The following CPS1 variants were observed in gnomAD, a reference collection of about 807,000 sequenced individuals.
CPS1 encodes the protein carbamoyl-phosphate synthase [ammonia], mitochondrial.
A neutral mutation model predicts 174.6 loss-of-function variants in CPS1; 109 were observed. The ratio of observed to expected loss-of-function variants is 0.62; its 90% CI spans 0.53 to 0.73. CPS1 has a LOEUF of 0.73. CPS1 is among the 30% of genes least tolerant of loss of function. CPS1 has a pLI of 0.00. For missense variants in CPS1, 1,689 were observed against 1,821.9 expected (o/e 0.93, Z 1.33); for synonymous variants, 637 against 632.0 (o/e 1.01, Z -0.12).
At chr2:210,479,733 T>C (rs982674687) in intron 1 of CPS1, among the ~76,000 whole-genome samples, 1 of 152,236 alleles carries the variant, frequency 6.6e-6, no homozygotes, top group Non-Finnish European at 1.5e-5. Context: ...CTGAACACAT[T>C]TGTGGCTAAC....
chr2:210,517,446 G>A (rs1695712101), intron 1 of CPS1, among the ~76,000 whole-genome samples: 1 of 151,892 alleles, frequency 6.6e-6, no homozygotes, highest in Admixed American at 6.6e-5. Flanking sequence ...ATTTGGTCTG[G>A]GTCAGATGCA....
intron 21 of CPS1, among the ~76,000 whole-genome samples, chr2:210,634,612 C>T (rs1444690346): frequency 1.3e-5 from 2 of 152,092 alleles, no homozygotes; most frequent in Non-Finnish European, 2.9e-5. Flanking sequence ...TGCCCTGAGC[C>T]ACGGCTTCAA....
Position 210,642,656 on chromosome 2 carries a change from C to T in CPS1, c.3132C>T (p.Tyr1044=). 6.2e-7 allele frequency: 1 copy of T among 1,613,410 alleles called. No individual in the cohort carries two copies. The highest frequency in any genetic ancestry group is 8.5e-7 in the Non-Finnish European group (1 of 1,179,804). ...CCTTGGAGAGAATCCTAGACATCTA[C>T]CATCAGGAGGTAAGAAAAGAAAAAC... ...ELSLERILDI[Y]HQEACGGCII... is the part of the protein sequence containing the mutation. Residue 1044 remains tyrosine, a synonymous_variant, in exon 25 of 38, where the codon TAC becomes TAT. Coordinates refer to ENST00000233072, the MANE Select transcript of CPS1 (RefSeq NM_001875.5).
rs112442003 is a variant in CPS1, at chr2:210,543,277, A to G, written c.4-13442A>G. ...TCACTTTCCATGTTAAAATCCTTCA[A>G]TGACTTCCTATTGCACTATAAATGG... On this transcript the variant is annotated intron_variant, in intron 1 of 38. Transcript: ENST00000430249. Among the ~76,000 whole-genome samples, 387 of 152,216 alleles carry G rather than the reference A, an allele frequency of 2.5e-3. 1 individual carries two copies. Among genetic ancestry groups the G allele is most frequent in the African/African-American group, 8.4e-3 (351 of 41,552 alleles).
At chr2:210,583,122 C>T (rs184022110) in intron 6 of CPS1, among the ~76,000 whole-genome samples, 1 of 152,164 alleles carries the variant, frequency 6.6e-6, no homozygotes, top group East Asian at 1.9e-4. Flanking sequence ...AATCTGGGGG[C>T]ATTTTGTGCA....
upstream of CPS1, among the ~76,000 whole-genome samples, chr2:210,554,126 T>TATAC (rs1205990741): frequency 7.2e-6 from 1 of 139,428 alleles, no homozygotes; most frequent in African/African-American, 2.5e-5. Flanking sequence ...TGTATGTATA[T>TATAC]ATACATACAT....
chr2:210,666,449 T>G (rs566292004), intron 33 of CPS1, among the ~76,000 whole-genome samples: 22 of 152,102 alleles, frequency 1.4e-4, no homozygotes, highest in Admixed American at 1.4e-3. Flanking sequence ...CTAGGGTTTT[T>G]ATGGTTTTAG....
intron 1 of CPS1, among the ~76,000 whole-genome samples, chr2:210,562,121 C>G (rs1341701895): frequency 6.6e-6 from 1 of 152,132 alleles, no homozygotes; most frequent in Non-Finnish European, 1.5e-5. Flanking sequence ...TATGAACATA[C>G]TTTGTAATGA....
In CPS1 at chr2:210,574,574, C is replaced by T. The variant is rs79910325; in HGVS notation, c.236+1167C>T. On this transcript the variant is annotated intron_variant, in intron 2 of 37. Transcript: ENST00000233072. ...TCACCAGGCAATTATTTAAACTTTTCGACAGCACTAATTACTAGCTGTGTT... is the reference window on the plus strand; with the variant it reads ...TCACCAGGCAATTATTTAAACTTTTTGACAGCACTAATTACTAGCTGTGTT... 5.9e-5 allele frequency among the ~76,000 whole-genome samples: 9 copies of T among 152,128 alleles called. No homozygotes were observed. The East Asian group carries it at 1.4e-3, about 23-fold the overall frequency.
At chr2:210,512,584 G>A (rs1203061358) in intron 1 of CPS1, among the ~76,000 whole-genome samples, 1 of 150,784 alleles carries the variant, frequency 6.6e-6, no homozygotes, top group Admixed American at 6.7e-5. Flanking sequence ...TATGCAGCAT[G>A]TTTTCTTTGT....
intron 15 of CPS1, 74 bp downstream of exon 15, chr2:210,600,786 T>A (rs745848588): frequency 2.8e-6 from 4 of 1,453,516 alleles, no homozygotes; most frequent in East Asian, 2.3e-5. Flanking sequence ...TTTTCATGCC[T>A]AATAATAATA....
intron 1 of CPS1, among the ~76,000 whole-genome samples, chr2:210,563,848 A>G (rs1697190725): frequency 6.6e-6 from 1 of 152,212 alleles, no homozygotes; most frequent in Non-Finnish European, 1.5e-5. Context: ...CACCAGGGAC[A>G]GATGCTCAAA....
intron 1 of CPS1, among the ~76,000 whole-genome samples, chr2:210,544,565 A>G (rs1345658364): frequency 1.3e-5 from 2 of 152,082 alleles, no homozygotes; most frequent in Non-Finnish European, 2.9e-5. Flanking sequence ...AACTCTATGT[A>G]ACATTTATAT....
chr2:210,634,088 G>T (rs1430630532), intron 21 of CPS1, among the ~76,000 whole-genome samples: 1 of 152,088 alleles, frequency 6.6e-6, no homozygotes, highest in Non-Finnish European at 1.5e-5. Context: ...CATATTCTTG[G>T]CAAGGAAAGT....
intron 1 of CPS1, chr2:210,477,846 C>A: frequency 6.8e-7 from 1 of 1,470,046 alleles, no homozygotes; most frequent in Non-Finnish European, 9.5e-7. Context: ...AAAAGGAAAA[C>A]GAGAGACATT....
intron 26 of CPS1, among the ~76,000 whole-genome samples, 162 bp from the exon 27 acceptor site, chr2:210,648,311 C>A (rs531936800): frequency 1.0e-3 from 158 of 152,264 alleles, no homozygotes; most frequent in Non-Finnish European, 1.9e-3. Flanking sequence ...TATTTAGAAT[C>A]AGAAGCTAGG....
intron 16 of CPS1, among the ~76,000 whole-genome samples, chr2:210,602,625 T>A (rs1698767538): frequency 6.6e-6 from 1 of 151,976 alleles, no homozygotes; most frequent in South Asian, 2.1e-4. Flanking sequence ...TTAATTCAAC[T>A]CCTTCTTCCT....
At chr2:210,591,397 C>G (rs577955447) in intron 9 of CPS1, among the ~76,000 whole-genome samples, 1 of 151,920 alleles carries the variant, frequency 6.6e-6, no homozygotes, top group Non-Finnish European at 1.5e-5. Context: ...AAACATCAGG[C>G]TTTTTCCCAT....
At chr2:210,510,471 A>G (rs1695432414) in intron 1 of CPS1, among the ~76,000 whole-genome samples, 1 of 152,074 alleles carries the variant, frequency 6.6e-6, no homozygotes, top group South Asian at 2.1e-4. Context: ...GGCATGGGCA[A>G]GGGCAAGGAC....
Sources: allele counts gnomAD v4.1 joint callset (sites outside exome capture counted in the v4.1 genomes callset), GRCh38; gene constraint gnomAD v4.1.1; transcripts MANE v1.5; gene names NCBI Gene and HGNC (gene_info 2026-07-23, HGNC 2026-07-21).